NUDCD1: variants seen among roughly 807,000 people sequenced by gnomAD.
The protein encoded by NUDCD1 is NudC domain containing 1.
In NUDCD1, 60 loss-of-function variants were observed where a neutral mutation model predicts 67.8. The ratio of observed to expected loss-of-function variants is 0.88; its 90% confidence interval spans 0.72 to 1.10. NUDCD1 has a LOEUF of 1.10. Ranked by LOEUF, NUDCD1 falls within the 50% of genes least tolerant of loss-of-function variation. The pLI is 0.00. For synonymous variants in NUDCD1, 244 were observed against 230.8 expected, an observed-to-expected ratio of 1.06 and a Z score of -0.52; for missense variants, 643 against 695.0, an observed-to-expected ratio of 0.93 and a Z score of 0.84.
At chr8:109,283,548 T>C (rs1040535274) in intron 5 of NUDCD1, among the ~76,000 whole-genome samples, 2 of 152,094 alleles carry the variant, frequency 1.3e-5, no homozygotes, top group Non-Finnish European at 2.9e-5. Flanking sequence ...GAAAAGAGAT[T>C]ACATAGGGGA....
chr8:109,325,663 A>C (rs1192977926), intron 1 of NUDCD1, among the ~76,000 whole-genome samples: 1 of 152,248 alleles, frequency 6.6e-6, no homozygotes, highest in African/African-American at 2.4e-5. Flanking sequence ...GGACTTGTAC[A>C]GGAAAGGTTG....
At chr8:109,266,944 C>G (rs1363755667) in intron 8 of NUDCD1, among the ~76,000 whole-genome samples, 2 of 152,042 alleles carry the variant, frequency 1.3e-5, no homozygotes, top group Non-Finnish European at 2.9e-5. Flanking sequence ...GAGTTCTGAC[C>G]TTTTCATTAC....
At chr8:109,330,611 CCA>C (rs1815783485) in intron 1 of NUDCD1, among the ~76,000 whole-genome samples, 1 of 152,324 alleles carries the variant, frequency 6.6e-6, no homozygotes, top group Admixed American at 6.5e-5. Flanking sequence ...AACTCAACCT[CCA>C]CAGAGTCTGA....
rs896078758 is a variant in NUDCD1 at position 109,241,338 on chromosome 8, A to G, written c.*1671T>C. On this transcript the variant is annotated 3_prime_UTR_variant, in exon 10 of 10. Transcript: ENST00000239690. ...TTTTTCTTATGTTCCCTAAGAGGATATTATCTTTGGGGAAAATTTTAGAGA... is the reference window on the plus strand; with the variant it reads ...TTTTTCTTATGTTCCCTAAGAGGATGTTATCTTTGGGGAAAATTTTAGAGA... 2 of 152,178 alleles carry G rather than the reference A, an allele frequency of 1.3e-5. No homozygotes were observed. The highest frequency in any genetic ancestry group is 2.9e-5 in the Non-Finnish European group (2 of 68,024). 9.4% of individuals were successfully genotyped at this position (152,178 alleles called of 1,614,324 possible).
intron 5 of NUDCD1, among the ~76,000 whole-genome samples, chr8:109,283,919 T>A (rs1397184773): frequency 1.4e-5 from 2 of 147,218 alleles, no homozygotes; most frequent in Non-Finnish European, 1.5e-5. Flanking sequence ...AAACTTCACA[T>A]AACAATATTA....
chr8:109,308,333 T>A (rs906455080), intron 2 of NUDCD1, among the ~76,000 whole-genome samples: 4 of 152,134 alleles, frequency 2.6e-5, no homozygotes, highest in Admixed American at 2.6e-4. Flanking sequence ...AAGGCAGTAC[T>A]AAGTGGAAAG....
At position 109,333,996 on chromosome 8, in the gene NUDCD1, A is replaced by C. The variant is rs1351235857; in HGVS notation, c.15T>G (p.Ala5=). The part of the protein sequence containing the change: MEVA[A]NCSLRVKRPL... Reference sequence around the variant, plus strand: ...GTCTCTTCACCCGTAGGGAGCAATTAGCCGCCACCTCCATCGCTTTCCAGG... The same window carrying C: ...GTCTCTTCACCCGTAGGGAGCAATTCGCCGCCACCTCCATCGCTTTCCAGG... Residue 5 remains alanine (A), a synonymous_variant, in exon 1 of 10, where the codon GCT becomes GCG. Transcript: ENST00000239690. 1.9e-6 allele frequency: 3 copies of C among 1,614,200 alleles called. No individual in the cohort carries two copies. The highest frequency in any genetic ancestry group is 2.2e-5 in the East Asian group (1 of 44,880).
chr8:109,324,929 T>A (rs1353133174), intron 1 of NUDCD1, among the ~76,000 whole-genome samples: 1 of 151,830 alleles, frequency 6.6e-6, no homozygotes, highest in East Asian at 1.9e-4. Context: ...TACTAAAAAT[T>A]CAAAAAACAA....
chr8:109,300,780 C>T (rs1270122869), intron 2 of NUDCD1, among the ~76,000 whole-genome samples: 2 of 152,176 alleles, frequency 1.3e-5, no homozygotes, highest in African/African-American at 2.4e-5. Context: ...AAAAAATCAT[C>T]GCCTAGGCAC....
intron 2 of NUDCD1, chr8:109,313,962 A>C: frequency 2.5e-6 from 1 of 393,704 alleles, no homozygotes; most frequent in Non-Finnish European, 4.9e-6. Flanking sequence ...CATTAATGAC[A>C]GTTAAAGTGA....
At chr8:109,262,294 G>A (rs902458503) in intron 8 of NUDCD1, among the ~76,000 whole-genome samples, 1 of 152,322 alleles carries the variant, frequency 6.6e-6, no homozygotes, top group Admixed American at 6.5e-5. Flanking sequence ...TGGCTGAAGT[G>A]CTCAAAGTTA....
chr8:109,251,323 C>A (rs1395025500), intron 8 of NUDCD1, among the ~76,000 whole-genome samples: 1 of 151,910 alleles, frequency 6.6e-6, no homozygotes, highest in Non-Finnish European at 1.5e-5. Context: ...CAGGTACCCA[C>A]CACCACGCCT....
intron 5 of NUDCD1, 47 bp from the exon 6 acceptor site, chr8:109,281,219 G>A: frequency 8.2e-7 from 1 of 1,226,350 alleles, no homozygotes; most frequent in Middle Eastern, 1.9e-4. Context: ...ATTAGAGAAA[G>A]CATACACACA....
chr8:109,280,975 T>A lies in NUDCD1; in HGVS notation c.1021A>T (p.Ser341Cys). Reference sequence around the variant, plus strand: ...AAAATTAAAAAAAAATACCTATTACTCTCTTTAATTATCCATGTACTGCTT... The same window carrying A: ...AAAATTAAAAAAAAATACCTATTACACTCTTTAATTATCCATGTACTGCTT... ...HESSTWIIKE[S>C]NSLEISLIKK... Residue 341 changes from serine to cysteine, a missense_variant, in exon 6 of 10, where the codon AGT becomes TGT. Coordinates refer to ENST00000239690, the MANE Select transcript of NUDCD1 (RefSeq NM_032869.4). The A allele has an allele frequency of 2.6e-6, 4 of 1,516,026 alleles. No individual in the cohort carries two copies. The highest frequency in any genetic ancestry group is 3.6e-6 in the Non-Finnish European group (4 of 1,102,280). The allele number at this position is 1,516,026 out of a possible 1,614,324, so 93.9% of individuals were successfully genotyped here. A position where few individuals can be genotyped will look rare whatever the true frequency, so the allele number is the denominator to read the frequency against.
At chr8:109,292,014 T>C (rs1814722973) in intron 4 of NUDCD1, among the ~76,000 whole-genome samples, 1 of 152,172 alleles carries the variant, frequency 6.6e-6, no homozygotes, top group African/African-American at 2.4e-5. Flanking sequence ...AAGCTGAATC[T>C]AGGCCTATTT....
intron 2 of NUDCD1, among the ~76,000 whole-genome samples, chr8:109,321,459 C>G (rs1815535041): frequency 6.6e-6 from 1 of 151,980 alleles, no homozygotes; most frequent in South Asian, 2.1e-4. Flanking sequence ...AATAATAATA[C>G]AAACAGGTTT....
At chr8:109,305,139 C>A (rs960590876) in intron 2 of NUDCD1, among the ~76,000 whole-genome samples, 1 of 152,168 alleles carries the variant, frequency 6.6e-6, no homozygotes, top group Non-Finnish European at 1.5e-5. Flanking sequence ...CCCCTCCCTT[C>A]CCTACACATC....
intron 1 of NUDCD1, among the ~76,000 whole-genome samples, chr8:109,324,813 G>T (rs1563686238): frequency 6.6e-6 from 1 of 152,176 alleles, no homozygotes; most frequent in African/African-American, 2.4e-5. Flanking sequence ...AAGGCCGGGC[G>T]CCGAGGCTCA....
intron 9 of NUDCD1, among the ~76,000 whole-genome samples, chr8:109,243,576 C>T (rs1813426068): frequency 2.0e-5 from 3 of 152,052 alleles, no homozygotes; most frequent in Non-Finnish European, 2.9e-5. Flanking sequence ...TTAATTTCCA[C>T]GAATAATTCG....
Sources: gnomAD v4.1 joint callset for allele counts (sites outside exome capture counted in the v4.1 genomes callset) on GRCh38, gnomAD v4.1.1 for gene constraint, MANE v1.5 for transcripts, NCBI Gene and HGNC (gene_info 2026-07-23, HGNC 2026-07-21) for gene names.